Variants in ZFPM2 observed in about 807,000 individuals in gnomAD.
The protein encoded by ZFPM2 is zinc finger protein ZFPM2.
Under a neutral mutation model 98.6 loss-of-function variants are expected in ZFPM2, and 20 were observed. That is an observed-to-expected ratio of 0.20 (90% confidence interval 0.14 to 0.29). The LOEUF (loss-of-function observed/expected upper bound fraction) is 0.29. Among genes scored for constraint, ZFPM2 ranks in the 10% least tolerant of loss-of-function variants. The pLI is 1.00. For missense variants in ZFPM2, 1,310 were observed against 1,388.6 expected (o/e 0.94, Z 0.90); for synonymous variants, 518 against 502.7 (o/e 1.03, Z -0.41).
At chr8:105,371,543 C>A (rs1810621639) in intron 1 of ZFPM2, among the ~76,000 whole-genome samples, 1 of 152,090 alleles carries the variant, frequency 6.6e-6, no homozygotes, top group Non-Finnish European at 1.5e-5. Flanking sequence ...GGCATAGATT[C>A]TTTAGAGCAA....
At chr8:105,453,808 A>G (rs1812532879) in intron 3 of ZFPM2, among the ~76,000 whole-genome samples, 1 of 151,684 alleles carries the variant, frequency 6.6e-6, no homozygotes, top group African/African-American at 2.4e-5. Flanking sequence ...TATTTTTAGT[A>G]GTGATGGGGT....
At chr8:105,790,343 A>C (rs1813566722) in intron 6 of ZFPM2, among the ~76,000 whole-genome samples, 1 of 152,098 alleles carries the variant, frequency 6.6e-6, no homozygotes, top group African/African-American at 2.4e-5. Flanking sequence ...TAAATAGGGA[A>C]TCCTTTCCCC....
At chr8:105,345,667 C>A (rs1183157153) in intron 1 of ZFPM2, among the ~76,000 whole-genome samples, 3 of 152,032 alleles carry the variant, frequency 2.0e-5, no homozygotes, top group East Asian at 1.9e-4. Context: ...TGTTCAGACA[C>A]AGCTGTTCAG....
intron 5 of ZFPM2, among the ~76,000 whole-genome samples, chr8:105,636,176 A>G (rs1384193192): frequency 1.3e-5 from 2 of 152,150 alleles, no homozygotes; most frequent in Non-Finnish European, 2.9e-5. Flanking sequence ...GAACCATCTG[A>G]AAGATTTTGG....
intron 4 of ZFPM2, among the ~76,000 whole-genome samples, chr8:105,628,337 T>A (rs1586160564): frequency 1.3e-5 from 2 of 152,300 alleles, no homozygotes; most frequent in East Asian, 3.9e-4. Context: ...ATTATTACAG[T>A]CACCATTGTG....
chr8:105,371,295 A>G (rs1307231252), intron 1 of ZFPM2, among the ~76,000 whole-genome samples: 3 of 152,184 alleles, frequency 2.0e-5, no homozygotes, highest in Non-Finnish European at 4.4e-5. Context: ...TGTTAGTCCA[A>G]AAGCTGAATA....
chr8:105,639,257 A>G (rs1586167008), intron 5 of ZFPM2, among the ~76,000 whole-genome samples: 1 of 152,150 alleles, frequency 6.6e-6, no homozygotes, highest in African/African-American at 2.4e-5. Flanking sequence ...CAAATAGTGT[A>G]CTTAGAATTT....
At chr8:105,363,353 G>A (rs1045835029) in intron 1 of ZFPM2, among the ~76,000 whole-genome samples, 1 of 152,048 alleles carries the variant, frequency 6.6e-6, no homozygotes, top group African/African-American at 2.4e-5. Context: ...TTTGCTATGT[G>A]ACTCTAAGGT....
chr8:105,425,653 T>C (rs1406812639), intron 2 of ZFPM2, among the ~76,000 whole-genome samples: 2 of 152,188 alleles, frequency 1.3e-5, no homozygotes, highest in East Asian at 3.9e-4. Flanking sequence ...CTCCTTTCTT[T>C]CTGTTGGTTC....
chr8:105,418,389 C>G (rs114851512), intron 1 of ZFPM2, among the ~76,000 whole-genome samples: 1 of 152,100 alleles, frequency 6.6e-6, no homozygotes, highest in African/African-American at 2.4e-5. Flanking sequence ...CACTTCAGAT[C>G]GGTCTGAACA....
chr8:105,448,628 G>A lies in ZFPM2; in HGVS notation c.301+4247G>A, dbSNP rs542609551. The stretch of plus-strand genomic sequence containing the variant: ...CTCATAGAATGGAGAGTAGAGTATG[G>A]TTTAAACTACAGAACGAAGTGTACA... On this transcript the variant is annotated intron_variant, in intron 3 of 7. Coordinates refer to ENST00000407775, the MANE Select transcript of ZFPM2 (RefSeq NM_012082.4). Among the ~76,000 whole-genome samples the A allele has an allele frequency of 3.0e-4, 46 of 152,096 alleles. No homozygotes were observed. In the South Asian group the frequency reaches 5.8e-3, roughly 19 times the overall value.
intron 5 of ZFPM2, among the ~76,000 whole-genome samples, chr8:105,742,582 G>A (rs1198438508): frequency 6.6e-6 from 1 of 151,916 alleles, no homozygotes; most frequent in African/African-American, 2.4e-5. Context: ...AAGAGGTCAA[G>A]GAACTGGGAG....
intron 3 of ZFPM2, among the ~76,000 whole-genome samples, chr8:105,538,203 A>T (rs1814498488): frequency 1.3e-5 from 2 of 152,144 alleles, no homozygotes; most frequent in South Asian, 4.1e-4. Context: ...AGGGCAAGTT[A>T]TTTATTTTCC....
intron 4 of ZFPM2, among the ~76,000 whole-genome samples, chr8:105,584,158 A>G (rs757877725): frequency 6.6e-6 from 1 of 152,194 alleles, no homozygotes; most frequent in Non-Finnish European, 1.5e-5. Context: ...ATATTGAGAC[A>G]TTCTAAATTA....
rs112833521 is a variant in ZFPM2, at chr8:105,324,218, G to A, written c.40+5237G>A. Among the ~76,000 whole-genome samples, 820 of 151,802 alleles carry A rather than the reference G, an allele frequency of 5.4e-3. 3 individuals are homozygous for A. Among genetic ancestry groups the A allele is most frequent in the African/African-American group, 0.019 (774 of 41,492 alleles). On this transcript the variant is annotated intron_variant, in intron 1 of 7. Coordinates refer to ENST00000407775, the MANE Select transcript of ZFPM2 (RefSeq NM_012082.4). ...GATTTATACATTGCTTTGTTTGGGGGTAATCTGGGGATAAATTAAGATAGT... is the reference window on the plus strand; with the variant it reads ...GATTTATACATTGCTTTGTTTGGGGATAATCTGGGGATAAATTAAGATAGT...
chr8:105,415,861 C>T (rs1382800641), intron 1 of ZFPM2, among the ~76,000 whole-genome samples: 1 of 152,028 alleles, frequency 6.6e-6, no homozygotes, highest in Non-Finnish European at 1.5e-5. Flanking sequence ...CTGACACTTG[C>T]TTTGGAAGAA....
intron 3 of ZFPM2, among the ~76,000 whole-genome samples, chr8:105,516,875 A>G (rs1227830025): frequency 2.0e-5 from 3 of 152,222 alleles, no homozygotes; most frequent in Non-Finnish European, 4.4e-5. Flanking sequence ...CTCACTTTCC[A>G]GGAAAAGAAA....
At chr8:105,679,230 T>G (rs1356360463) in intron 5 of ZFPM2, among the ~76,000 whole-genome samples, 1 of 152,180 alleles carries the variant, frequency 6.6e-6, no homozygotes, top group Non-Finnish European at 1.5e-5. Flanking sequence ...ATTTCTGCAG[T>G]CTCTTTAAAG....
At chr8:105,619,350 T>C (rs1018765329) in intron 4 of ZFPM2, among the ~76,000 whole-genome samples, 1 of 152,084 alleles carries the variant, frequency 6.6e-6, no homozygotes, top group Non-Finnish European at 1.5e-5. Context: ...ATTGACAATC[T>C]ACGTATATGT....
Sources: allele counts gnomAD v4.1 joint callset (sites outside exome capture counted in the v4.1 genomes callset), GRCh38; gene constraint gnomAD v4.1.1; transcripts MANE v1.5; gene names NCBI Gene and HGNC (gene_info 2026-07-23, HGNC 2026-07-21).